The following MAGI2 variants were observed in gnomAD, a reference collection of about 807,000 sequenced individuals.
MAGI2 encodes the protein membrane associated guanylate kinase, WW and PDZ domain containing 2.
Under a neutral mutation model 133.3 loss-of-function variants are expected in MAGI2, and 35 were observed. That is an observed-to-expected ratio of 0.26 (90% confidence interval 0.20 to 0.35). The LOEUF (loss-of-function observed/expected upper bound fraction) is 0.35, where lower values mean the gene tolerates loss of function less well. Ranked by LOEUF, MAGI2 falls within the 10% of genes least tolerant of loss-of-function variation. MAGI2 has a pLI of 1.00. For missense variants in MAGI2, 1,636 were observed against 1,863.4 expected (o/e 0.88, Z 2.25); for synonymous variants, 729 against 710.6 (o/e 1.03, Z -0.41).
chr7:78,720,693 G>C (rs1223033351), intron 2 of MAGI2, among the ~76,000 whole-genome samples: 1 of 151,904 alleles, frequency 6.6e-6, no homozygotes, highest in Non-Finnish European at 1.5e-5. Context: ...TTGTACCCTG[G>C]GGACACTACA....
intron 3 of MAGI2, among the ~76,000 whole-genome samples, chr7:78,582,925 G>T (rs2150815628): frequency 6.6e-6 from 1 of 152,240 alleles, no homozygotes; most frequent in Admixed American, 6.5e-5. Flanking sequence ...AAATATAGGA[G>T]CCTCAGTTTC....
chr7:78,453,704 A>G (rs1050015605), intron 6 of MAGI2, among the ~76,000 whole-genome samples: 2 of 152,214 alleles, frequency 1.3e-5, no homozygotes, highest in African/African-American at 4.8e-5. Flanking sequence ...AACTCTTCAT[A>G]GACATTATCC....
chr7:78,376,527 T>C (rs1259895563), intron 6 of MAGI2, among the ~76,000 whole-genome samples: 1 of 152,112 alleles, frequency 6.6e-6, no homozygotes, highest in Non-Finnish European at 1.5e-5. Context: ...AAAATTAAAA[T>C]ACTGACCATG....
At chr7:78,278,926 G>A (rs534636599) in intron 9 of MAGI2, among the ~76,000 whole-genome samples, 35 of 152,278 alleles carry the variant, frequency 2.3e-4, no homozygotes, top group African/African-American at 8.2e-4. Flanking sequence ...GAAAAGAGGA[G>A]TCTGATCTCC....
At chr7:78,160,357 A>AC in intron 15 of MAGI2, 84 bp from the exon 16 acceptor site, 2 of 1,369,816 alleles carry the variant, frequency 1.5e-6, no homozygotes, top group South Asian at 1.8e-5. Context: ...ACTGTTCTAG[A>AC]CAGTGGTATT....
intron 1 of MAGI2, among the ~76,000 whole-genome samples, chr7:79,277,210 T>C (rs1329841700): frequency 6.6e-6 from 1 of 152,116 alleles, no homozygotes; most frequent in Non-Finnish European, 1.5e-5. Flanking sequence ...ACCACCCTGA[T>C]GAGTCAGCAG....
chr7:78,160,287 C>G lies in MAGI2; in HGVS notation c.2597-14G>C. The G allele has an allele frequency of 6.4e-7, 1 of 1,562,082 alleles. No individual in the cohort carries two copies. Among genetic ancestry groups the G allele is most frequent in the Middle Eastern group, 1.7e-4 (1 of 5,780 alleles). The stretch of plus-strand genomic sequence containing the variant: ...GGCAGGGCTCCCCTGCAAAATATAC[C>G]ACACACAGGTAATCAATTACCTTAC... On this transcript the variant is annotated splice_polypyrimidine_tract_variant and intron_variant, in intron 15 of 21. Transcript: ENST00000354212.
chr7:79,159,599 T>C (rs550213419), intron 1 of MAGI2, among the ~76,000 whole-genome samples: 8 of 151,886 alleles, frequency 5.3e-5, no homozygotes, highest in African/African-American at 1.9e-4. Context: ...TACACACTAA[T>C]ACAAAACTAA....
intron 3 of MAGI2, among the ~76,000 whole-genome samples, chr7:78,560,344 TGA>T (rs1257461354): frequency 6.6e-6 from 1 of 151,926 alleles, no homozygotes; most frequent in Non-Finnish European, 1.5e-5. Flanking sequence ...AAAAGAGAGG[TGA>T]GAGTTACAGA....
chr7:78,864,967 G>A (rs573192498), intron 2 of MAGI2, among the ~76,000 whole-genome samples: 15 of 152,214 alleles, frequency 9.9e-5, no homozygotes, highest in African/African-American at 2.4e-4. Flanking sequence ...CCAGGAACGC[G>A]CAACTAGTTC....
chr7:79,387,094 TTGTGTGTGTGTGTGTG>T (rs3050633), intron 1 of MAGI2, among the ~76,000 whole-genome samples: 1 of 141,506 alleles, frequency 7.1e-6, no homozygotes, highest in African/African-American at 2.7e-5. Flanking sequence ...ATTTTTATGC[TTGTGTGTGTGTGTGTG>T]TGTGTGTGTG....
At chr7:78,435,856 TCTG>T (rs1174219550) in intron 6 of MAGI2, among the ~76,000 whole-genome samples, 2 of 152,202 alleles carry the variant, frequency 1.3e-5, no homozygotes, top group Admixed American at 6.5e-5. Flanking sequence ...CCAGAGTTTT[TCTG>T]CTATCCCTTG....
At chr7:79,322,644 G>C (rs530828731) in intron 1 of MAGI2, among the ~76,000 whole-genome samples, 1 of 151,996 alleles carries the variant, frequency 6.6e-6, no homozygotes, top group African/African-American at 2.4e-5. Flanking sequence ...AATTAGCCGG[G>C]CCATAGTTGT....
At chr7:79,088,835 C>G (rs1562876839) in intron 1 of MAGI2, among the ~76,000 whole-genome samples, 1 of 151,942 alleles carries the variant, frequency 6.6e-6, no homozygotes, top group Admixed American at 6.6e-5. Context: ...TATATTGAAC[C>G]AGCCTTGCAT....
intron 5 of MAGI2, among the ~76,000 whole-genome samples, chr7:78,498,194 C>T (rs1224494897): frequency 3.3e-5 from 5 of 152,162 alleles, no homozygotes; most frequent in African/African-American, 1.2e-4. Context: ...TGTTAAGTAG[C>T]TTAACTGAGC....
chr7:79,213,731 C>T (rs1829716562), intron 1 of MAGI2, among the ~76,000 whole-genome samples: 1 of 152,044 alleles, frequency 6.6e-6, no homozygotes, highest in South Asian at 2.1e-4. Flanking sequence ...ACAGACACTG[C>T]TTCTAACATT....
At chr7:78,571,525 T>A (rs538228701) in intron 3 of MAGI2, among the ~76,000 whole-genome samples, 1 of 152,288 alleles carries the variant, frequency 6.6e-6, no homozygotes, top group South Asian at 2.1e-4. Flanking sequence ...TTATAGAACA[T>A]CTTATATCTG....
chr7:78,173,920 A>G (rs1459771335), intron 14 of MAGI2, among the ~76,000 whole-genome samples: 1 of 152,204 alleles, frequency 6.6e-6, no homozygotes, highest in Non-Finnish European at 1.5e-5. Context: ...AATTTTCAAG[A>G]GAAGATGAAA....
intron 1 of MAGI2, among the ~76,000 whole-genome samples, chr7:79,448,852 A>C (rs1017329838): frequency 6.6e-6 from 1 of 152,160 alleles, no homozygotes; most frequent in Non-Finnish European, 1.5e-5. Flanking sequence ...GAATAGGGAC[A>C]GTACAGATAA....
Sources: gnomAD v4.1 joint callset for allele counts (sites outside exome capture counted in the v4.1 genomes callset) on GRCh38, gnomAD v4.1.1 for gene constraint, MANE v1.5 for transcripts, NCBI Gene and HGNC (gene_info 2026-07-23, HGNC 2026-07-21) for gene names.